The following BMPR1A variants were observed in gnomAD, a reference collection of about 807,000 sequenced individuals.
BMPR1A encodes bone morphogenetic protein receptor type 1A, also known as bone morphogenetic protein receptor type-1A.
A neutral mutation model predicts 66.0 loss-of-function variants in BMPR1A; 7 were observed. The ratio of observed to expected loss-of-function variants is 0.11; its 90% CI spans 0.06 to 0.20. The LOEUF (loss-of-function observed/expected upper bound fraction) is 0.20, where lower values mean the gene tolerates loss of function less well. Among genes scored for constraint, BMPR1A ranks in the 10% least tolerant of loss-of-function variants. The probability of loss-of-function intolerance (pLI) is 1.00; values close to 1 mark genes in which losing one functional copy is unlikely to be tolerated. For missense variants in BMPR1A, 408 were observed against 669.1 expected (o/e 0.61, Z 4.31); for synonymous variants, 200 against 229.7 (o/e 0.87, Z 1.17).
intron 7 of BMPR1A, among the ~76,000 whole-genome samples, chr10:86,903,790 G>A (rs1042654853): frequency 1.9e-4 from 29 of 151,944 alleles, no homozygotes; most frequent in African/African-American, 6.5e-4. Context: ...TGTATTTTTA[G>A]TAGAGACGGG....
At chr10:86,760,293 G>T (rs12098772) in intron 1 of BMPR1A, among the ~76,000 whole-genome samples, 7 of 117,178 alleles carry the variant, frequency 6.0e-5, no homozygotes, top group Middle Eastern at 8.5e-3. Flanking sequence ...TCGCACTGTC[G>T]CCTGGGCTGG....
intron 7 of BMPR1A, among the ~76,000 whole-genome samples, chr10:86,907,109 A>G (rs1308963286): frequency 6.6e-6 from 1 of 152,094 alleles, no homozygotes; most frequent in Non-Finnish European, 1.5e-5. Context: ...TCCCCTTTTA[A>G]TCACAGTTCT....
At chr10:86,784,737 G>T (rs1462285338) in intron 1 of BMPR1A, among the ~76,000 whole-genome samples, 1 of 152,104 alleles carries the variant, frequency 6.6e-6, no homozygotes, top group Non-Finnish European at 1.5e-5. Context: ...AGTCCTGGCA[G>T]GTTGTGTGTT....
chr10:86,854,455 C>A (rs1027423733), intron 2 of BMPR1A, among the ~76,000 whole-genome samples: 4 of 152,174 alleles, frequency 2.6e-5, no homozygotes, highest in African/African-American at 9.7e-5. Context: ...ATGAAATCTT[C>A]ACAATTTGTG....
At chr10:86,860,173 G>A (rs573175378) in intron 2 of BMPR1A, among the ~76,000 whole-genome samples, 246 of 152,202 alleles carry the variant, frequency 1.6e-3, no homozygotes, top group African/African-American at 5.5e-3. Context: ...GTTCATCAAC[G>A]AGAATGAGCA....
intron 3 of BMPR1A, among the ~76,000 whole-genome samples, chr10:86,880,783 T>A (rs1842976209): frequency 6.6e-6 from 1 of 152,204 alleles, no homozygotes; most frequent in African/African-American, 2.4e-5. Flanking sequence ...TCTTGGTATT[T>A]TGGCCAGAAA....
At chr10:86,865,692 C>T (rs1487895750) in intron 2 of BMPR1A, among the ~76,000 whole-genome samples, 3 of 152,210 alleles carry the variant, frequency 2.0e-5, no homozygotes, top group Non-Finnish European at 4.4e-5. Flanking sequence ...CAGTATTTCT[C>T]AACAAGGAGA....
rs1843394180 is a variant in BMPR1A at position 86,906,703 on chromosome 10, G to A, written c.531-5537G>A. Among the ~76,000 whole-genome samples, 3 of 24,388 alleles carry A rather than the reference G, an allele frequency of 1.2e-4. 1 individual carries two copies. Among genetic ancestry groups the A allele is most frequent in the East Asian group, 0.015 (2 of 132 alleles). 16.0% of individuals were successfully genotyped at this position (24,388 alleles called of 152,430 possible). A position where few individuals can be genotyped will look rare whatever the true frequency, so the allele number is the denominator to read the frequency against. ...CGCGCCACTGCACTCCAGCCTGGGCGACAGAGTGAGACTCCGTCTCAAAAA... is the reference window on the plus strand; with the variant it reads ...CGCGCCACTGCACTCCAGCCTGGGCAACAGAGTGAGACTCCGTCTCAAAAA... On this transcript the variant is annotated intron_variant, in intron 7 of 12. Coordinates refer to ENST00000372037, the MANE Select transcript of BMPR1A (RefSeq NM_004329.3).
At chr10:86,872,911 G>A (rs1306871788) in intron 2 of BMPR1A, among the ~76,000 whole-genome samples, 2 of 152,172 alleles carry the variant, frequency 1.3e-5, no homozygotes, top group African/African-American at 2.4e-5. Flanking sequence ...CACCACCACA[G>A]TTGGCCTCAT....
chr10:86,909,570 G>C (rs1843446385), intron 7 of BMPR1A, among the ~76,000 whole-genome samples: 2 of 148,580 alleles, frequency 1.3e-5, no homozygotes, highest in Non-Finnish European at 3.0e-5. Flanking sequence ...TGGGCGACAA[G>C]AGTGAGACCC....
At chr10:86,864,862 T>C (rs1564707043) in intron 2 of BMPR1A, among the ~76,000 whole-genome samples, 1 of 152,198 alleles carries the variant, frequency 6.6e-6, no homozygotes, top group East Asian at 1.9e-4. Context: ...ATATCACCCC[T>C]TACCACAAGA....
At chr10:86,783,434 A>G (rs1180223110) in intron 1 of BMPR1A, among the ~76,000 whole-genome samples, 1 of 152,210 alleles carries the variant, frequency 6.6e-6, no homozygotes, top group Non-Finnish European at 1.5e-5. Flanking sequence ...ATTACTTTGG[A>G]TAGTATGTAC....
intron 1 of BMPR1A, among the ~76,000 whole-genome samples, chr10:86,833,489 G>A (rs1441043665): frequency 1.3e-5 from 2 of 152,172 alleles, no homozygotes; most frequent in Non-Finnish European, 2.9e-5. Flanking sequence ...AGTAACTCCT[G>A]AGTATAATAG....
chr10:86,890,461 A>ATC (rs1305303577), intron 4 of BMPR1A, among the ~76,000 whole-genome samples: 1 of 152,082 alleles, frequency 6.6e-6, no homozygotes, highest in African/African-American at 2.4e-5. Flanking sequence ...GATCAAAGGG[A>ATC]TCTAGTATTT....
chr10:86,921,780 T>C (rs1414479446), intron 11 of BMPR1A, 85 bp downstream of exon 11: 10 of 1,573,188 alleles, frequency 6.4e-6, no homozygotes, highest in African/African-American at 1.4e-5. Context: ...TTTTAGTTTT[T>C]AATTTTTGTG....
chr10:86,782,617 A>G (rs931131352), intron 1 of BMPR1A, among the ~76,000 whole-genome samples: 1 of 151,730 alleles, frequency 6.6e-6, no homozygotes, highest in Admixed American at 6.6e-5. Context: ...GTAGCTTTTC[A>G]TATTTTTTTT....
At chr10:86,858,366 A>G (rs1053731420) in intron 2 of BMPR1A, among the ~76,000 whole-genome samples, 2 of 152,176 alleles carry the variant, frequency 1.3e-5, no homozygotes, top group African/African-American at 2.4e-5. Context: ...TTTGTTCTTC[A>G]GTATTTTAAA....
chr10:86,779,434 G>T (rs1018865098), intron 1 of BMPR1A, among the ~76,000 whole-genome samples: 2 of 151,838 alleles, frequency 1.3e-5, no homozygotes, highest in Non-Finnish European at 2.9e-5. Flanking sequence ...CTTTTTCCCC[G>T]TTTGCCCATT....
At chr10:86,874,949 TC>T (rs1449867383) in intron 2 of BMPR1A, among the ~76,000 whole-genome samples, 1 of 149,460 alleles carries the variant, frequency 6.7e-6, no homozygotes, top group African/African-American at 2.5e-5. Flanking sequence ...GGTCTTGAAC[TC>T]CTGACTTCAC....
Sources: gnomAD v4.1 joint callset for allele counts (sites outside exome capture counted in the v4.1 genomes callset) on GRCh38, gnomAD v4.1.1 for gene constraint, MANE v1.5 for transcripts, NCBI Gene and HGNC (gene_info 2026-07-23, HGNC 2026-07-21) for gene names.